Variants in ANO3 observed in about 807,000 individuals in gnomAD.
The protein encoded by ANO3 is anoctamin 3.
In ANO3, 99 loss-of-function variants were observed where a neutral mutation model predicts 144.8. The observed-to-expected ratio is 0.68, with a 90% CI of 0.58 to 0.81. ANO3 has a LOEUF of 0.81. Among genes scored for constraint, ANO3 ranks in the 30% least tolerant of loss-of-function variants. The probability of loss-of-function intolerance (pLI) is 0.00; values close to 1 mark genes in which losing one functional copy is unlikely to be tolerated. For missense variants in ANO3, 905 were observed against 1,202.2 expected, an observed-to-expected ratio of 0.75 and a Z score of 3.66; for synonymous variants, 414 against 392.6, an observed-to-expected ratio of 1.05 and a Z score of -0.64.
chr11:26,603,628 A>G (rs893928660), intron 17 of ANO3, among the ~76,000 whole-genome samples: 1 of 151,764 alleles, frequency 6.6e-6, no homozygotes, highest in Non-Finnish European at 1.5e-5. Context: ...TTATATAAGG[A>G]TATAAAAGTT....
chr11:26,534,602 A>G (rs1309583201), intron 9 of ANO3, 40 bp downstream of exon 9: 2 of 1,372,712 alleles, frequency 1.5e-6, no homozygotes, highest in African/African-American at 2.9e-5. Context: ...ACTTGCTGTT[A>G]CTATTTATAC....
chr11:26,209,754 T>C (rs921851486), intron 1 of ANO3, among the ~76,000 whole-genome samples: 2 of 152,208 alleles, frequency 1.3e-5, no homozygotes, highest in African/African-American at 4.8e-5. Context: ...ATGATGAGCT[T>C]TTTTTCGTGT....
chr11:26,608,255 C>A (rs2132955044), intron 17 of ANO3, among the ~76,000 whole-genome samples: 1 of 152,216 alleles, frequency 6.6e-6, no homozygotes, highest in African/African-American at 2.4e-5. Context: ...TTGGTTCACC[C>A]CCATGCCTGT....
At chr11:26,505,816 C>CAA (rs1344586478) in intron 4 of ANO3, among the ~76,000 whole-genome samples, 2 of 151,140 alleles carry the variant, frequency 1.3e-5, no homozygotes, top group African/African-American at 2.4e-5. Context: ...ACTAAAAATC[C>CAA]AAAAAATAAA....
intron 14 of ANO3, among the ~76,000 whole-genome samples, chr11:26,594,012 T>C (rs1565129365): frequency 6.6e-6 from 1 of 152,276 alleles, no homozygotes; most frequent in East Asian, 1.9e-4. Flanking sequence ...GTGATAAGCT[T>C]ATCCTTTAAG....
chr11:26,211,386 A>G (rs1223388322), intron 1 of ANO3, among the ~76,000 whole-genome samples: 2 of 152,084 alleles, frequency 1.3e-5, no homozygotes, highest in East Asian at 1.9e-4. Context: ...ATAGCATTAA[A>G]TTCCCACAGG....
chr11:26,204,348 C>G (rs1851755705), intron 1 of ANO3, among the ~76,000 whole-genome samples: 1 of 148,088 alleles, frequency 6.8e-6, no homozygotes, highest in South Asian at 2.1e-4. Context: ...GTAATACCTG[C>G]AACACATTCT....
chr11:26,223,069 T>C (rs1852181408), intron 1 of ANO3, among the ~76,000 whole-genome samples: 1 of 152,128 alleles, frequency 6.6e-6, no homozygotes, highest in Admixed American at 6.5e-5. Flanking sequence ...ATCACATGGC[T>C]AGGCTGTAAA....
At chr11:26,357,527 T>G (rs1564980424) in intron 1 of ANO3, among the ~76,000 whole-genome samples, 1 of 147,542 alleles carries the variant, frequency 6.8e-6, no homozygotes, top group Non-Finnish European at 1.5e-5. Flanking sequence ...ATTTTTTCTG[T>G]TTTTTTTTTA....
At chr11:26,558,197 C>A (rs1850146104) in intron 13 of ANO3, among the ~76,000 whole-genome samples, 2 of 152,132 alleles carry the variant, frequency 1.3e-5, no homozygotes, top group African/African-American at 4.8e-5. Context: ...ATGATAAGTT[C>A]ATGCAACACA....
chr11:26,510,951 T>C (rs1354747393), intron 5 of ANO3, among the ~76,000 whole-genome samples: 2 of 152,204 alleles, frequency 1.3e-5, no homozygotes, highest in Non-Finnish European at 2.9e-5. Flanking sequence ...TTTGTTTAGG[T>C]TGAATCTCAG....
At chr11:26,515,661 A>T (rs539435297) in intron 5 of ANO3, among the ~76,000 whole-genome samples, 1 of 152,116 alleles carries the variant, frequency 6.6e-6, no homozygotes, top group East Asian at 1.9e-4. Context: ...TTTTAAATTA[A>T]ATTCAATAAT....
At chr11:26,335,353 T>G (rs893835604) in intron 1 of ANO3, among the ~76,000 whole-genome samples, 26 of 152,200 alleles carry the variant, frequency 1.7e-4, no homozygotes, top group African/African-American at 6.0e-4. Flanking sequence ...GTTGGCTCTT[T>G]AGTAGTATAT....
chr11:26,407,239 T>G (rs2133981474), intron 1 of ANO3, among the ~76,000 whole-genome samples: 1 of 151,634 alleles, frequency 6.6e-6, no homozygotes, highest in South Asian at 2.1e-4. Flanking sequence ...TGTTTATCTC[T>G]GTGCCTTTCT....
intron 17 of ANO3, among the ~76,000 whole-genome samples, chr11:26,621,190 C>G (rs911289213): frequency 6.6e-6 from 1 of 152,138 alleles, no homozygotes; most frequent in East Asian, 1.9e-4. Flanking sequence ...TTGCATAACA[C>G]CCCAAACAAG....
chr11:26,431,899 A>C (rs559439214), intron 1 of ANO3, among the ~76,000 whole-genome samples: 13 of 152,106 alleles, frequency 8.5e-5, no homozygotes, highest in Non-Finnish European at 1.9e-4. Flanking sequence ...AAAATGATTT[A>C]TATTCTTTTG....
chr11:26,470,454 C>T (rs1234789638), intron 4 of ANO3, among the ~76,000 whole-genome samples: 1 of 151,094 alleles, frequency 6.6e-6, no homozygotes, highest in Non-Finnish European at 1.5e-5. Context: ...AGAAGTTAGC[C>T]CAAATAATTC....
intron 1 of ANO3, among the ~76,000 whole-genome samples, chr11:26,217,208 T>A (rs1852051637): frequency 6.6e-6 from 1 of 152,076 alleles, no homozygotes; most frequent in East Asian, 1.9e-4. Flanking sequence ...TACATTTACG[T>A]CTATGATCCA....
intron 4 of ANO3, among the ~76,000 whole-genome samples, chr11:26,465,643 G>T (rs938922818): frequency 1.3e-5 from 2 of 151,940 alleles, no homozygotes; most frequent in Non-Finnish European, 2.9e-5. Flanking sequence ...ATAACCCCAA[G>T]TCCTGCAACC....
Sources: gnomAD v4.1 joint callset for allele counts (sites outside exome capture counted in the v4.1 genomes callset) on GRCh38, gnomAD v4.1.1 for gene constraint, MANE v1.5 for transcripts, NCBI Gene and HGNC (gene_info 2026-07-23, HGNC 2026-07-21) for gene names.